Variants in GPC5 observed in about 807,000 individuals in gnomAD.
GPC5 encodes the protein glypican-5.
A neutral mutation model predicts 53.9 loss-of-function variants in GPC5; 47 were observed. The ratio of observed to expected loss-of-function variants is 0.87; its 90% CI spans 0.69 to 1.11. The LOEUF (loss-of-function observed/expected upper bound fraction) is 1.11, where lower values mean the gene tolerates loss of function less well. Ranked by LOEUF, GPC5 falls within the 50% of genes most tolerant of loss-of-function variation. The pLI, the probability that GPC5 is intolerant of heterozygous loss-of-function variation, is 0.00. For missense variants in GPC5, 748 were observed against 713.1 expected (o/e 1.05, Z -0.56); for synonymous variants, 286 against 263.3 (o/e 1.09, Z -0.84).
At chr13:92,461,899 C>T (rs1878496524) in intron 7 of GPC5, among the ~76,000 whole-genome samples, 1 of 152,180 alleles carries the variant, frequency 6.6e-6, no homozygotes, top group South Asian at 2.1e-4. Flanking sequence ...ACAGATGCAC[C>T]TCTGAAAAGT....
intron 7 of GPC5, among the ~76,000 whole-genome samples, chr13:92,307,136 T>C (rs1011203982): frequency 6.6e-6 from 1 of 152,238 alleles, no homozygotes; most frequent in Non-Finnish European, 1.5e-5. Flanking sequence ...GAAATGTAAC[T>C]TTTCAAAGGA....
At chr13:91,431,381 C>T (rs118000667) in intron 1 of GPC5, among the ~76,000 whole-genome samples, 3,748 of 152,192 alleles carry the variant, frequency 0.025, 71 homozygotes, top group South Asian at 0.047. Flanking sequence ...TATAATGTGT[C>T]GATCAATCTG....
At chr13:91,491,846 A>T (rs1411954714) in intron 2 of GPC5, among the ~76,000 whole-genome samples, 1 of 152,132 alleles carries the variant, frequency 6.6e-6, no homozygotes, top group East Asian at 1.9e-4. Flanking sequence ...TTATTTCAGG[A>T]TCTTTAGTTT....
At chr13:91,441,027 T>G (rs971148278) in intron 1 of GPC5, among the ~76,000 whole-genome samples, 11 of 152,102 alleles carry the variant, frequency 7.2e-5, no homozygotes, top group African/African-American at 2.7e-4. Context: ...AAAAACTGAG[T>G]TTTCTATTTG....
chr13:92,129,874 G>A (rs973460415), intron 6 of GPC5, among the ~76,000 whole-genome samples: 6 of 152,094 alleles, frequency 3.9e-5, no homozygotes, highest in Non-Finnish European at 5.9e-5. Flanking sequence ...TGGACATAAA[G>A]ACAAGTGAGA....
At chr13:91,677,938 G>A (rs2035420816) in intron 2 of GPC5, among the ~76,000 whole-genome samples, 1 of 152,186 alleles carries the variant, frequency 6.6e-6, no homozygotes, top group African/African-American at 2.4e-5. Flanking sequence ...TAAGAGCTAT[G>A]AAAGCAGAAA....
intron 2 of GPC5, among the ~76,000 whole-genome samples, chr13:91,677,877 A>G (rs1478740297): frequency 6.6e-6 from 1 of 152,230 alleles, no homozygotes; most frequent in Non-Finnish European, 1.5e-5. Flanking sequence ...CATAATTGTT[A>G]CACCCTATTC....
At chr13:92,316,578 C>G (rs541841925) in intron 7 of GPC5, among the ~76,000 whole-genome samples, 10 of 152,048 alleles carry the variant, frequency 6.6e-5, no homozygotes, top group Non-Finnish European at 1.0e-4. Flanking sequence ...AGTATGAGTT[C>G]TGCCTATTAA....
chr13:92,808,989 T>C (rs1022238133), intron 7 of GPC5, among the ~76,000 whole-genome samples: 3 of 152,124 alleles, frequency 2.0e-5, no homozygotes, highest in Non-Finnish European at 4.4e-5. Flanking sequence ...ATTATTCTAT[T>C]ATGATTACAC....
chr13:92,041,413 C>T (rs2040940582), intron 6 of GPC5, among the ~76,000 whole-genome samples: 1 of 152,178 alleles, frequency 6.6e-6, no homozygotes, highest in Non-Finnish European at 1.5e-5. Flanking sequence ...GAAAGCATCT[C>T]CCAACCTCAC....
chr13:92,044,567 C>T (rs1034606061), intron 6 of GPC5, among the ~76,000 whole-genome samples: 5 of 152,202 alleles, frequency 3.3e-5, no homozygotes, highest in Non-Finnish European at 5.9e-5. Flanking sequence ...TCTTGCACTA[C>T]GATATCTGAT....
chr13:91,634,265 G>A (rs971281138), intron 2 of GPC5, among the ~76,000 whole-genome samples: 3 of 152,026 alleles, frequency 2.0e-5, no homozygotes, highest in Admixed American at 1.3e-4. Context: ...TGGGTATTAA[G>A]TGGAAAAAGA....
intron 6 of GPC5, among the ~76,000 whole-genome samples, chr13:92,009,913 T>C (rs2040644585): frequency 6.6e-6 from 1 of 152,202 alleles, no homozygotes; most frequent in Admixed American, 6.5e-5. Flanking sequence ...CACTTATTTA[T>C]ATCATGAGGG....
At chr13:92,859,368 C>A (rs568567365) in intron 7 of GPC5, among the ~76,000 whole-genome samples, 1 of 151,862 alleles carries the variant, frequency 6.6e-6, no homozygotes. Context: ...TTTTTCTGGT[C>A]ATTTGAAAAA....
intron 7 of GPC5, among the ~76,000 whole-genome samples, chr13:92,273,614 G>A (rs2042855063): frequency 6.6e-6 from 1 of 151,880 alleles, no homozygotes; most frequent in African/African-American, 2.4e-5. Flanking sequence ...CCCTGAACAG[G>A]CTTTGGTGAG....
chr13:92,749,130 T>A (rs1889315710), intron 7 of GPC5, among the ~76,000 whole-genome samples: 1 of 152,160 alleles, frequency 6.6e-6, no homozygotes, highest in South Asian at 2.1e-4. Flanking sequence ...CTCAGATATT[T>A]TAATGTACTT....
intron 7 of GPC5, among the ~76,000 whole-genome samples, chr13:92,221,083 G>A (rs1177956154): frequency 6.6e-6 from 1 of 152,098 alleles, no homozygotes; most frequent in Non-Finnish European, 1.5e-5. Flanking sequence ...AACAGGAGAG[G>A]GGTGGTCACT....
intron 7 of GPC5, among the ~76,000 whole-genome samples, chr13:92,422,088 G>T (rs720801): frequency 0.31 from 46,532 of 151,690 alleles, 8,092 homozygotes; most frequent in East Asian, 0.61. Context: ...ATGGGACACA[G>T]ACTAGAGATG....
intron 7 of GPC5, among the ~76,000 whole-genome samples, chr13:92,613,630 ATT>A (rs1354772824): frequency 7.4e-6 from 1 of 135,110 alleles, no homozygotes; most frequent in African/African-American, 2.8e-5. Flanking sequence ...TATTTATTAT[ATT>A]TTATAAATAT....
Sources: gnomAD v4.1 joint callset for allele counts (sites outside exome capture counted in the v4.1 genomes callset) on GRCh38, gnomAD v4.1.1 for gene constraint, MANE v1.5 for transcripts, NCBI Gene and HGNC (gene_info 2026-07-23, HGNC 2026-07-21) for gene names.